The following HYAL4 variants were observed in gnomAD, a reference collection of about 807,000 sequenced individuals.
HYAL4 encodes the protein hyaluronidase-4.
HYAL4 carries 37 observed loss-of-function variants against 35.2 expected under a neutral mutation model. The observed-to-expected ratio is 1.05, with a 90% CI of 0.81 to 1.38. HYAL4 has a LOEUF of 1.38. Among genes scored for constraint, HYAL4 ranks in the 40% most tolerant of loss-of-function variants. The pLI is 0.00. For missense variants in HYAL4, 572 were observed against 572.4 expected, an observed-to-expected ratio of 1.00 and a Z score of 0.01; for synonymous variants, 198 against 203.2, an observed-to-expected ratio of 0.97 and a Z score of 0.22.
intron 2 of HYAL4, among the ~76,000 whole-genome samples, chr7:123,867,703 CTTGTT>C (rs1806724155): frequency 6.6e-6 from 1 of 152,132 alleles, no homozygotes; most frequent in Non-Finnish European, 1.5e-5. Flanking sequence ...TCATGTAGTA[CTTGTT>C]ATGCATTTTT....
At chr7:123,833,541 C>A (rs1343066879) in intron 1 of HYAL4, among the ~76,000 whole-genome samples, 3 of 152,154 alleles carry the variant, frequency 2.0e-5, no homozygotes, top group Non-Finnish European at 4.4e-5. Flanking sequence ...TCTGTTTACT[C>A]TGCTGACTGT....
At chr7:123,839,007 C>CT (rs1054177655) in intron 1 of HYAL4, among the ~76,000 whole-genome samples, 3 of 151,824 alleles carry the variant, frequency 2.0e-5, no homozygotes, top group African/African-American at 4.8e-5. Flanking sequence ...TATTATTATA[C>CT]TTTAAGTTCT....
At chr7:123,797,053 C>T in the HYAL4 span, among the ~76,000 whole-genome samples, 1 of 152,210 alleles carries the variant, frequency 6.6e-6, no homozygotes, top group Non-Finnish European at 1.5e-5. Flanking sequence ...CAGAAGCCTA[C>T]TGACTAGGAC....
intron 3 of HYAL4, 119 bp from the exon 4 acceptor site, chr7:123,874,642 T>A: frequency 1.6e-6 from 1 of 612,938 alleles, no homozygotes. Context: ...CTTGACCTCG[T>A]GATCTGCCCG....
At chr7:123,818,263 A>G in the HYAL4 span, among the ~76,000 whole-genome samples, 1 of 152,254 alleles carries the variant, frequency 6.6e-6, no homozygotes, top group East Asian at 1.9e-4. Context: ...TTACTTTCCA[A>G]ATTCTGTGTG....
chr7:123,847,505 C>T (rs549495877), intron 1 of HYAL4, among the ~76,000 whole-genome samples: 54 of 152,154 alleles, frequency 3.5e-4, no homozygotes, highest in African/African-American at 1.2e-3. Flanking sequence ...AGGCCTGGAG[C>T]GGTGGTTTAC....
intron 2 of HYAL4, among the ~76,000 whole-genome samples, chr7:123,864,451 G>T (rs544332532): frequency 6.8e-4 from 103 of 152,158 alleles, no homozygotes; most frequent in African/African-American, 2.5e-3. Flanking sequence ...TCTAAACATT[G>T]TCATTTAGAG....
intron 2 of HYAL4, among the ~76,000 whole-genome samples, chr7:123,855,753 T>G (rs1012570602): frequency 3.3e-5 from 5 of 152,136 alleles, no homozygotes; most frequent in African/African-American, 4.8e-5. Context: ...CTGCCTTGCT[T>G]GGTTGGGGAA....
At chr7:123,847,497 G>T (rs1806199341) in intron 1 of HYAL4, among the ~76,000 whole-genome samples, 1 of 151,938 alleles carries the variant, frequency 6.6e-6, no homozygotes, top group Admixed American at 6.6e-5. Context: ...CATGCTTTAG[G>T]CCTGGAGCGG....
chr7:123,824,272 T>G (rs1172247326), upstream of HYAL4, among the ~76,000 whole-genome samples: 1 of 152,150 alleles, frequency 6.6e-6, no homozygotes, highest in Non-Finnish European at 1.5e-5. Context: ...AGATGGCAAG[T>G]GCCATGTAAG....
At chr7:123,838,518 T>G (rs1318966879) in intron 1 of HYAL4, among the ~76,000 whole-genome samples, 1 of 152,130 alleles carries the variant, frequency 6.6e-6, no homozygotes, top group African/African-American at 2.4e-5. Context: ...TGTATGGCTT[T>G]TGCATTGGCT....
At chr7:123,778,159 G>GTCTA in the HYAL4 span, among the ~76,000 whole-genome samples, 17,357 of 120,698 alleles carry the variant, frequency 0.14, 1,092 homozygotes, top group East Asian at 0.25. Context: ...CTGTCTGTCT[G>GTCTA]TCTATCTATC....
At chr7:123,842,614 A>G (rs1313509565), upstream of HYAL4, among the ~76,000 whole-genome samples, 1 of 151,888 alleles carries the variant, frequency 6.6e-6, no homozygotes, top group African/African-American at 2.4e-5. Flanking sequence ...GTCTCCCATT[A>G]TTATTGTGTG....
upstream of HYAL4, among the ~76,000 whole-genome samples, chr7:123,841,843 G>A (rs181882641): frequency 1.9e-3 from 293 of 151,884 alleles, no homozygotes; most frequent in African/African-American, 6.6e-3. Flanking sequence ...GTGATATCCC[G>A]TTTATCATTT....
the HYAL4 span, among the ~76,000 whole-genome samples, chr7:123,802,769 A>T: frequency 6.6e-6 from 1 of 152,232 alleles, no homozygotes; most frequent in Admixed American, 6.5e-5. Flanking sequence ...GCTTATAAAA[A>T]TAAGATGGCT....
At chr7:123,855,087 T>TA (rs1271311472) in intron 2 of HYAL4, among the ~76,000 whole-genome samples, 3 of 152,314 alleles carry the variant, frequency 2.0e-5, no homozygotes, top group East Asian at 3.9e-4. Context: ...ATTTTGAACT[T>TA]ATATGTGTCT....
At chr7:123,869,359 A>C in intron 3 of HYAL4, 132 bp downstream of exon 3, 1 of 654,104 alleles carries the variant, frequency 1.5e-6, no homozygotes, top group South Asian at 2.1e-5. Context: ...TTCTTCCTTG[A>C]CTAGTCATGC....
chr7:123,858,065 C>T (rs893782993), intron 2 of HYAL4, among the ~76,000 whole-genome samples: 1 of 152,060 alleles, frequency 6.6e-6, no homozygotes, highest in African/African-American at 2.4e-5. Context: ...GGCATGGTGG[C>T]ACACACTTGT....
At chr7:123,837,457 T>C (rs1805982918) in intron 1 of HYAL4, among the ~76,000 whole-genome samples, 1 of 152,204 alleles carries the variant, frequency 6.6e-6, no homozygotes, top group Non-Finnish European at 1.5e-5. Flanking sequence ...GCAATTAATC[T>C]GAAACTCCAA....
Sources: gnomAD v4.1 joint callset for allele counts (sites outside exome capture counted in the v4.1 genomes callset) on GRCh38, gnomAD v4.1.1 for gene constraint, MANE v1.5 for transcripts, NCBI Gene and HGNC (gene_info 2026-07-23, HGNC 2026-07-21) for gene names.